The following RARB variants were observed in gnomAD, a reference collection of about 807,000 sequenced individuals.
RARB encodes the protein HBV-activated protein.
A neutral mutation model predicts 51.9 loss-of-function variants in RARB; 17 were observed. That is an observed-to-expected ratio of 0.33 (90% CI 0.22 to 0.49). The LOEUF is 0.49. Among genes scored for constraint, RARB ranks in the 20% least tolerant of loss-of-function variants. The pLI is 0.99. For missense variants in RARB, 369 were observed against 550.8 expected (o/e 0.67, Z 3.30); for synonymous variants, 215 against 195.4 (o/e 1.10, Z -0.84).
intron 3 of RARB, among the ~76,000 whole-genome samples, chr3:25,121,971 A>C (rs1271957930): frequency 6.6e-6 from 1 of 152,128 alleles, no homozygotes; most frequent in East Asian, 1.9e-4. Flanking sequence ...GCAGCGCTGT[A>C]TTAGGGAAAC....
intron 4 of RARB, among the ~76,000 whole-genome samples, chr3:25,576,604 G>A (rs894544546): frequency 1.3e-5 from 2 of 152,182 alleles, no homozygotes; most frequent in Non-Finnish European, 2.9e-5. Flanking sequence ...CGCCTGAAAC[G>A]TGACCTCCAG....
chr3:25,159,414 C>A (rs1428443534), intron 4 of RARB, among the ~76,000 whole-genome samples: 1 of 117,278 alleles, frequency 8.5e-6, no homozygotes, highest in Non-Finnish European at 1.9e-5. Context: ...GATGATCCAC[C>A]CCCCCCGCTC....
chr3:25,160,830 G>A (rs904565418), intron 4 of RARB, among the ~76,000 whole-genome samples: 1 of 152,164 alleles, frequency 6.6e-6, no homozygotes, highest in East Asian at 1.9e-4. Context: ...GCTTCTAGTG[G>A]CTTCCCCATA....
At chr3:25,340,790 T>G (rs1305743630) in intron 5 of RARB, among the ~76,000 whole-genome samples, 1 of 152,164 alleles carries the variant, frequency 6.6e-6, no homozygotes, top group Non-Finnish European at 1.5e-5. Context: ...GGATCTCGCT[T>G]TGGAGAAGCC....
At chr3:25,532,920 C>G (rs966266237) in intron 3 of RARB, among the ~76,000 whole-genome samples, 1 of 152,176 alleles carries the variant, frequency 6.6e-6, no homozygotes, top group African/African-American at 2.4e-5. Flanking sequence ...TACTCTTGAA[C>G]CAACTTGAGT....
chr3:25,338,869 T>A (rs982515754), intron 5 of RARB, among the ~76,000 whole-genome samples: 5 of 152,058 alleles, frequency 3.3e-5, no homozygotes, highest in Admixed American at 3.3e-4. Context: ...CACCAGACCT[T>A]CCCAAAATCA....
At chr3:25,429,666 A>T (rs1310995503) in intron 1 of RARB, among the ~76,000 whole-genome samples, 2 of 150,396 alleles carry the variant, frequency 1.3e-5, no homozygotes, top group Non-Finnish European at 3.0e-5. Context: ...AGCCCAATTT[A>T]AAAAAAAAAT....
At chr3:25,571,374 C>T (rs1031580179) in intron 4 of RARB, among the ~76,000 whole-genome samples, 1 of 152,224 alleles carries the variant, frequency 6.6e-6, no homozygotes, top group South Asian at 2.1e-4. Context: ...GGTCTGCAGA[C>T]CAGACTCTGA....
chr3:25,205,033 C>T (rs570574179), intron 5 of RARB, among the ~76,000 whole-genome samples: 1 of 152,172 alleles, frequency 6.6e-6, no homozygotes, highest in Non-Finnish European at 1.5e-5. Flanking sequence ...GTGGAGTCTA[C>T]AGAGGCAGGC....
chr3:25,119,964 T>C (rs2125328826), intron 3 of RARB, among the ~76,000 whole-genome samples: 1 of 152,198 alleles, frequency 6.6e-6, no homozygotes, highest in East Asian at 1.9e-4. Flanking sequence ...GTTTGATGGA[T>C]ATAGAGCACA....
chr3:25,306,186 T>G (rs1485378911), intron 5 of RARB, among the ~76,000 whole-genome samples: 1 of 152,132 alleles, frequency 6.6e-6, no homozygotes, highest in East Asian at 1.9e-4. Flanking sequence ...GCATTGAGTT[T>G]CATTGATTGG....
intron 2 of RARB, among the ~76,000 whole-genome samples, chr3:24,908,860 G>GT (rs1429577271): frequency 6.6e-6 from 1 of 151,860 alleles, no homozygotes; most frequent in Non-Finnish European, 1.5e-5. Context: ...TTTTTCCCCA[G>GT]TTTCCATGCC....
intron 1 of RARB, among the ~76,000 whole-genome samples, chr3:24,841,880 C>G (rs1284417832): frequency 1.3e-5 from 2 of 152,074 alleles, no homozygotes; most frequent in Non-Finnish European, 1.5e-5. Flanking sequence ...ACTTTATATC[C>G]TTCATCTTAA....
At chr3:25,345,055 A>T (rs1022193261) in intron 5 of RARB, among the ~76,000 whole-genome samples, 1 of 152,222 alleles carries the variant, frequency 6.6e-6, no homozygotes, top group Admixed American at 6.5e-5. Context: ...GAGAGCAGAC[A>T]TGCTGAAGTT....
chr3:25,111,996 G>A (rs1215017282), intron 3 of RARB, among the ~76,000 whole-genome samples: 2 of 152,118 alleles, frequency 1.3e-5, no homozygotes, highest in Non-Finnish European at 2.9e-5. Flanking sequence ...TTTTGTGTTA[G>A]ATTATAAACT....
chr3:25,435,021 A>G (rs1487974229), intron 1 of RARB, among the ~76,000 whole-genome samples: 1 of 152,112 alleles, frequency 6.6e-6, no homozygotes, highest in Non-Finnish European at 1.5e-5. Context: ...TTGCCTTCCA[A>G]AGTATCTGAT....
intron 3 of RARB, among the ~76,000 whole-genome samples, chr3:25,109,410 G>C (rs1164686629): frequency 6.6e-6 from 1 of 152,012 alleles, no homozygotes; most frequent in Non-Finnish European, 1.5e-5. Flanking sequence ...TATGATCTGG[G>C]GGGATCAAAT....
At chr3:25,076,172 C>T (rs890321398) in intron 3 of RARB, among the ~76,000 whole-genome samples, 1 of 150,312 alleles carries the variant, frequency 6.7e-6, no homozygotes, top group African/African-American at 2.5e-5. Flanking sequence ...GACAAAATCT[C>T]TCTCTGTCGC....
chr3:25,059,332 G>A (rs1698502151), intron 2 of RARB, among the ~76,000 whole-genome samples: 1 of 151,460 alleles, frequency 6.6e-6, no homozygotes, highest in Non-Finnish European at 1.5e-5. Context: ...AAGTAAAATT[G>A]CTTTGTTAAA....
Sources: allele counts gnomAD v4.1 joint callset (sites outside exome capture counted in the v4.1 genomes callset), GRCh38; gene constraint gnomAD v4.1.1; transcripts MANE v1.5; gene names NCBI Gene and HGNC (gene_info 2026-07-23, HGNC 2026-07-21).